RASSF3: variants seen among roughly 807,000 people sequenced by gnomAD.
RASSF3 encodes ras association domain-containing protein 3.
In RASSF3, 19 loss-of-function variants were observed where a neutral mutation model predicts 19.9. The observed-to-expected ratio is 0.96, with a 90% CI of 0.67 to 1.40. The LOEUF (loss-of-function observed/expected upper bound fraction) is 1.40, where lower values mean the gene tolerates loss of function less well. Ranked by LOEUF, RASSF3 falls within the 40% of genes most tolerant of loss-of-function variation. The pLI, the probability that RASSF3 is intolerant of heterozygous loss-of-function variation, is 0.00. For missense variants in RASSF3, 306 were observed against 289.8 expected (o/e 1.06, Z -0.41); for synonymous variants, 110 against 104.2 (o/e 1.06, Z -0.34).
At chr12:64,518,014 G>A (rs1868397391) in intron 1 of RASSF3, among the ~76,000 whole-genome samples, 2 of 151,938 alleles carry the variant, frequency 1.3e-5, no homozygotes, top group African/African-American at 4.8e-5. Flanking sequence ...GAAAAATGGG[G>A]AAACTTCCTT....
At chr12:64,523,792 C>T (rs1315971723) in intron 1 of RASSF3, among the ~76,000 whole-genome samples, 1 of 150,472 alleles carries the variant, frequency 6.6e-6, no homozygotes, top group Non-Finnish European at 1.5e-5. Context: ...CTTGCGGCCT[C>T]ACATTTCTGG....
upstream of RASSF3, among the ~76,000 whole-genome samples, chr12:64,530,719 T>A (rs1868690934): frequency 6.6e-6 from 1 of 152,238 alleles, no homozygotes; most frequent in African/African-American, 2.4e-5. Flanking sequence ...CTCCACATCC[T>A]CACCAAAATG....
intron 1 of RASSF3, among the ~76,000 whole-genome samples, chr12:64,514,522 T>C (rs1191281186): frequency 6.6e-6 from 1 of 152,056 alleles, no homozygotes; most frequent in African/African-American, 2.4e-5. Context: ...AGTGTTTCGA[T>C]AGGTGCAAAG....
chr12:64,588,891 C>T (rs1479196830), intron 2 of RASSF3, among the ~76,000 whole-genome samples: 2 of 152,134 alleles, frequency 1.3e-5, no homozygotes, highest in Non-Finnish European at 2.9e-5. Context: ...TAAAGACCCT[C>T]TTTATGTAAC....
At chr12:64,665,537 A>T (rs1475406647) in intron 1 of RASSF3, among the ~76,000 whole-genome samples, 2 of 152,168 alleles carry the variant, frequency 1.3e-5, no homozygotes, top group Non-Finnish European at 2.9e-5. Flanking sequence ...AACAGGGAAG[A>T]GGTGAAAGCA....
In RASSF3 at chr12:64,519,178, TA is replaced by T. The variant is rs764448646; in HGVS notation, c.169+11850del. Reference sequence around the variant, plus strand: ...ACTTTGGGAGGCTGAGGCGGGAGGATAGCTTGAGTCCAGTAGTTCAAGACCA... The same window carrying T: ...ACTTTGGGAGGCTGAGGCGGGAGGATGCTTGAGTCCAGTAGTTCAAGACCA... On this transcript the variant is annotated intron_variant, in intron 1 of 5. Transcript: ENST00000637125. Among the ~76,000 whole-genome samples the T allele has an allele frequency of 9.3e-4, 142 of 152,230 alleles. 1 individual carries two copies. The highest frequency in any genetic ancestry group is 1.5e-3 in the Non-Finnish European group (101 of 68,010).
At chr12:64,680,461 G>C (rs1475089784) in intron 1 of RASSF3, among the ~76,000 whole-genome samples, 1 of 151,954 alleles carries the variant, frequency 6.6e-6, no homozygotes, top group Non-Finnish European at 1.5e-5. Flanking sequence ...ACTTAGGCAG[G>C]TACCTGGCAC....
intron 2 of RASSF3, among the ~76,000 whole-genome samples, chr12:64,551,979 A>G (rs1869172163): frequency 6.6e-6 from 1 of 152,202 alleles, no homozygotes; most frequent in Non-Finnish European, 1.5e-5. Context: ...AAGAGCAAAC[A>G]GCTTTCCAAA....
At chr12:64,676,822 G>T (rs1255913153) in intron 1 of RASSF3, among the ~76,000 whole-genome samples, 1 of 150,310 alleles carries the variant, frequency 6.7e-6, no homozygotes, top group African/African-American at 2.5e-5. Context: ...AGGCTGGAGT[G>T]CAGTGGCACG....
chr12:64,595,277 A>G (rs1485970850), intron 2 of RASSF3, among the ~76,000 whole-genome samples: 1 of 152,026 alleles, frequency 6.6e-6, no homozygotes, highest in East Asian at 1.9e-4. Context: ...CATGTTGGCC[A>G]GGCTGGTCTC....
chr12:64,655,364 A>G (rs1196721830), intron 1 of RASSF3, among the ~76,000 whole-genome samples: 3 of 152,248 alleles, frequency 2.0e-5, no homozygotes, highest in Non-Finnish European at 4.4e-5. Flanking sequence ...AGAGGCAGGA[A>G]TCTGCGTAAA....
intron 2 of RASSF3, among the ~76,000 whole-genome samples, chr12:64,566,073 C>T (rs1665655953): frequency 1.3e-5 from 2 of 151,460 alleles, no homozygotes. Context: ...TGGTGGCAGG[C>T]ACCTATAGTC....
At chr12:64,614,133 C>CTTTTTT (rs578071131) in intron 1 of RASSF3, among the ~76,000 whole-genome samples, 2 of 130,056 alleles carry the variant, frequency 1.5e-5, no homozygotes, top group African/African-American at 2.9e-5. Flanking sequence ...TTTACCATTT[C>CTTTTTT]TTTTTTTTTT....
chr12:64,686,533 C>T (rs61228947), intron 2 of RASSF3, among the ~76,000 whole-genome samples: 7,709 of 152,092 alleles, frequency 0.051, 675 homozygotes, highest in African/African-American at 0.18. Flanking sequence ...ATGGCGTGAA[C>T]CCAGGAGGCA....
downstream of RASSF3, among the ~76,000 whole-genome samples, chr12:64,546,007 A>G (rs533348919): frequency 1.3e-5 from 2 of 149,624 alleles, no homozygotes; most frequent in South Asian, 4.3e-4. Flanking sequence ...GAGGCAGGAG[A>G]ATGGCGTGAA....
intron 1 of RASSF3, among the ~76,000 whole-genome samples, chr12:64,669,728 C>T (rs1005548002): frequency 1.3e-5 from 2 of 151,822 alleles, no homozygotes; most frequent in South Asian, 2.1e-4. Context: ...GGCCACTGAC[C>T]GCAGTGCTGA....
chr12:64,526,681 C>A (rs1292303977), intron 1 of RASSF3, among the ~76,000 whole-genome samples: 3 of 152,150 alleles, frequency 2.0e-5, no homozygotes, highest in Non-Finnish European at 4.4e-5. Flanking sequence ...GTAACTGGGA[C>A]TATAGGCACA....
intron 2 of RASSF3, among the ~76,000 whole-genome samples, chr12:64,600,708 G>A (rs1388705467): frequency 1.3e-5 from 2 of 152,136 alleles, no homozygotes; most frequent in Non-Finnish European, 2.9e-5. Context: ...ATAGTAAGTG[G>A]AAATTACCAA....
intron 3 of RASSF3, among the ~76,000 whole-genome samples, chr12:64,690,079 G>A (rs917005204): frequency 4.0e-5 from 6 of 150,328 alleles, no homozygotes; most frequent in Admixed American, 1.3e-4. Flanking sequence ...GTGAGCCACC[G>A]CGCCTGGCCT....
Sources: gnomAD v4.1 joint callset for allele counts (sites outside exome capture counted in the v4.1 genomes callset) on GRCh38, gnomAD v4.1.1 for gene constraint, MANE v1.5 for transcripts, NCBI Gene and HGNC (gene_info 2026-07-23, HGNC 2026-07-21) for gene names.